MAMDC4: variants seen among roughly 807,000 people sequenced by gnomAD.
MAMDC4 encodes the protein MAM domain containing 4.
In MAMDC4, 168 loss-of-function variants were observed where a neutral mutation model predicts 153.3. The ratio of observed to expected loss-of-function variants is 1.10; its 90% CI spans 0.97 to 1.25. MAMDC4 has a LOEUF of 1.25. MAMDC4 is among the 50% of genes most tolerant of loss of function. MAMDC4 has a pLI of 0.00. For synonymous variants in MAMDC4, 744 were observed against 651.5 expected (o/e 1.14, Z -2.16); for missense variants, 1,701 against 1,542.8 (o/e 1.10, Z -1.72).
Position 136,858,384 on chromosome 9 carries a change from C to T in MAMDC4, c.2675-16C>T, listed in dbSNP as rs368512088. On this transcript the variant is annotated splice_polypyrimidine_tract_variant and intron_variant, in intron 21 of 26. Coordinates refer to ENST00000317446, the MANE Select transcript of MAMDC4 (RefSeq NM_206920.3). ...GGGCCGTGGGGCAGCACCACTCACC[C>T]ACCCATGTCCTGCAGGTTCCTGTGA... 46 of 1,600,844 alleles carry T rather than the reference C, an allele frequency of 2.9e-5. No homozygotes were observed. In the African/African-American group the frequency reaches 6.1e-4, roughly 21 times the overall value.
Position 136,857,963 on chromosome 9 carries a change from C to T in MAMDC4, c.2465-16C>T. 1.3e-6 allele frequency: 2 copies of T among 1,493,042 alleles called. No individual in the cohort carries two copies. The highest frequency in any genetic ancestry group is 1.8e-6 in the Non-Finnish European group (2 of 1,124,954). 92.5% of individuals were successfully genotyped at this position (1,493,042 alleles called of 1,614,324 possible). ...GCTCTCCCCACACTGCTGACCTGGG[C>T]CGCCCCTGCTGGCAGGCACCCTGCG... is the stretch of plus-strand genomic sequence containing the variant. On this transcript the variant is annotated splice_polypyrimidine_tract_variant and intron_variant, in intron 19 of 26. Coordinates refer to ENST00000317446, the MANE Select transcript of MAMDC4 (RefSeq NM_206920.3).
chr9:136,854,785 G>C lies in MAMDC4; in HGVS notation c.958G>C (p.Glu320Gln). The change falls in exon 9 of 27, where the codon GAG becomes CAG. Residue 320 changes from glutamate (E) to glutamine (Q), a missense_variant. Glu to Gln is a conservative substitution (Grantham distance 29). Transcript: ENST00000317446. Reference protein sequence around the residue: ...AQGSFLVSVAEPGTPAILSSP... With the variant: ...AQGSFLVSVAQPGTPAILSSP... ...AGGCTCCTTCCTGGTCTCCGTGGCC[G>C]AGCCTGGCACCCCTGCTATACTCTC... 6.2e-7 allele frequency: 1 copy of C among 1,612,776 alleles called. No homozygotes were observed. The highest frequency in any genetic ancestry group is 8.5e-7 in the Non-Finnish European group (1 of 1,179,856).
chr9:136,859,454 G>A (rs1351679531), intron 25 of MAMDC4, 137 bp downstream of exon 25: 2 of 807,412 alleles, frequency 2.5e-6, no homozygotes, highest in Non-Finnish European at 3.8e-6. Flanking sequence ...GAGCTGCCAG[G>A]CCCAGGCCCT....
At chr9:136,855,694 C>T in intron 12 of MAMDC4, 38 bp from the exon 13 acceptor site, 1 of 1,570,948 alleles carries the variant, frequency 6.4e-7, no homozygotes, top group Non-Finnish European at 8.6e-7. Flanking sequence ...GCTGAGGACT[C>T]TGAGGACTCT....
Position 136,858,817 on chromosome 9 carries a change from C to G in MAMDC4, c.2920C>G (p.Arg974Gly), listed in dbSNP as rs377732840. Residue 974 changes from arginine (R) to glycine (G), a missense_variant, in exon 23 of 27, where the codon CGC becomes GGC. Transcript: ENST00000317446. ...PLPATPASCL[R>G]FWYHMGFPEH... ...GCCGGCCACCCCAGCCTCCTGCCTC[C>G]GCTTCTGGTACCACATGGGTTTTCC... The G allele has an allele frequency of 7.3e-5, 117 of 1,610,492 alleles. No homozygotes were observed. Among genetic ancestry groups the G allele is most frequent in the Non-Finnish European group, 9.1e-5 (107 of 1,178,794 alleles).
Position 136,857,420 on chromosome 9 carries a change from T to C in MAMDC4, c.2160T>C (p.Asp720=), listed in dbSNP as rs910478832. The C allele has an allele frequency of 6.2e-7, 1 of 1,608,354 alleles. No homozygotes were observed. Among genetic ancestry groups the C allele is most frequent in the Non-Finnish European group, 8.5e-7 (1 of 1,179,910 alleles). ...ACCACGGCACCATGGCGCTGGACGA[T>C]GTGGCCGTGCGGCCGGGCCCCTGCT... ...DGYHGTMALD[D]VAVRPGPCWA... is the part of the protein sequence containing the mutation. The change falls in exon 18 of 27, where the codon GAT becomes GAC. Residue 720 remains aspartate, a synonymous_variant. Transcript: ENST00000317446.
Position 136,859,033 on chromosome 9 carries a change from CAGTGCTCAGGGCCAG to C in MAMDC4, c.2986_3000del (p.Ser996_Gln1000del). 1 of 1,550,724 alleles carries C rather than the reference CAGTGCTCAGGGCCAG, an allele frequency of 6.4e-7. No homozygotes were observed. Among genetic ancestry groups the C allele is most frequent in the Non-Finnish European group, 8.7e-7 (1 of 1,146,636 alleles). On this transcript the variant is annotated inframe_deletion, in exon 24 of 27. Transcript: ENST00000317446. ...AGGGGGAGCTGAAGGTACTGCTGCA[CAGTGCTCAGGGCCAG>C]CTGGCTGTGTGGGGCGCAGGCGGGC...
chr9:136,854,034 G>A lies in MAMDC4; in HGVS notation c.628G>A (p.Val210Met), dbSNP rs1319496378. Residue 210 changes from valine to methionine, a missense_variant, in exon 6 of 27, where the codon GTG becomes ATG. Transcript: ENST00000317446. Reference protein sequence around the residue: ...ATRNATHRGAVALDDLEFWDC... With the variant: ...ATRNATHRGAMALDDLEFWDC... ...CCGAAATGCCACCCACAGGGGCGCT[G>A]TGGCTCTAGATGACCTAGAGTTCTG... is the stretch of plus-strand genomic sequence containing the variant. 3.7e-6 allele frequency: 6 copies of A among 1,612,930 alleles called. No individual in the cohort carries two copies. The highest frequency in any genetic ancestry group is 5.1e-6 in the Non-Finnish European group (6 of 1,179,938).
In MAMDC4 at chr9:136,858,765, G is replaced by C. The variant is rs1450288546; in HGVS notation, c.2868G>C (p.Arg956=). ...CTGGCGTGCTGGGCCCCGGGGGCCG[G>C]GCCGCCTGGCTGCGCAGCGAGCCTC... is the stretch of plus-strand genomic sequence containing the variant. The part of the protein sequence containing the change: ...FETGVLGPGG[R]AAWLRSEPLP... The change falls in exon 23 of 27, where the codon CGG becomes CGC. Residue 956 remains arginine (R), a synonymous_variant. Coordinates refer to ENST00000317446, the MANE Select transcript of MAMDC4 (RefSeq NM_206920.3). The C allele has an allele frequency of 6.2e-7, 1 of 1,610,964 alleles. No homozygotes were observed. The highest frequency in any genetic ancestry group is 1.7e-5 in the Admixed American group (1 of 59,628).
At position 136,856,752 on chromosome 9, in the gene MAMDC4, C is replaced by G. The variant is rs751255791; in HGVS notation, c.1763C>G (p.Pro588Arg). 6.2e-6 allele frequency: 10 copies of G among 1,612,492 alleles called. No homozygotes were observed. The highest frequency in any genetic ancestry group is 8.5e-6 in the Non-Finnish European group (10 of 1,179,788). The change falls in exon 15 of 27, where the codon CCA (proline) becomes CGA (arginine). Residue 588 changes from proline to arginine, a missense_variant. Transcript: ENST00000317446. ...GAGCGGGACACATGCAGCTGGTACC[C>G]AGGCCACCTCTCAGACACACACTGG... ...NFERDTCSWY[P>R]GHLSDTHWRW...
In MAMDC4 at chr9:136,856,106, C is replaced by G. The variant is rs1407788201; in HGVS notation, c.1677C>G (p.Ser559Arg). Residue 559 changes from serine to arginine, a missense_variant, in exon 14 of 27, where the codon AGC becomes AGG. Physicochemically the swap from Ser to Arg is moderately radical, Grantham distance 110. Coordinates refer to ENST00000317446, the MANE Select transcript of MAMDC4 (RefSeq NM_206920.3). ...CCCTCCTTGGCCCTTCTGGCCCCAGCTGTGAACTCCACCTGGCTTATTATT... is the reference window on the plus strand; with the variant it reads ...CCCTCCTTGGCCCTTCTGGCCCCAGGTGTGAACTCCACCTGGCTTATTATT... ...LTPLLGPSGP[S>R]CELHLAYYLQ... The G allele has an allele frequency of 6.2e-7, 1 of 1,612,382 alleles. No homozygotes were observed. The highest frequency in any genetic ancestry group is 8.5e-7 in the Non-Finnish European group (1 of 1,179,922).
intron 25 of MAMDC4, 29 bp from the exon 26 acceptor site, chr9:136,859,857 G>C (rs1849060099): frequency 6.2e-7 from 1 of 1,610,210 alleles, no homozygotes; most frequent in African/African-American, 1.3e-5. Context: ...GGCTGCTTTG[G>C]AGGGCTCACA....
In MAMDC4 at chr9:136,858,562, AGCCAGGTGGGGAG is replaced by A; in HGVS notation, c.2821+19_2821+31del. The A allele has an allele frequency of 6.4e-7, 1 of 1,563,976 alleles. No individual in the cohort carries two copies. The highest frequency in any genetic ancestry group is 8.7e-7 in the Non-Finnish European group (1 of 1,155,152). Reference sequence around the variant, plus strand: ...ACAGAGGCAGGTACGTGCCCACTGGAGCCAGGTGGGGAGGCACACACAGCCACCTGGCCTCCTG... The same window carrying A: ...ACAGAGGCAGGTACGTGCCCACTGGAGCACACACAGCCACCTGGCCTCCTG... On this transcript the variant is annotated intron_variant, in intron 22 of 26. Transcript: ENST00000317446.
rs1848963557 is a variant in MAMDC4, at chr9:136,853,845, C to CT, written c.523_524insT (p.Pro175LeufsTer19). 1 of 1,604,920 alleles carries CT rather than the reference C, an allele frequency of 6.2e-7. No homozygotes were observed. ...CCTGACCCTGTGGCAGAGCACAGGG[C>CT]CCTGGGGCCCTGGCTGGCAGGAGTT... On this transcript the variant is annotated frameshift_variant, in exon 5 of 27. Transcript: ENST00000317446. LOFTEE classifies it high-confidence loss of function.
rs562042489 is a variant in MAMDC4 at position 136,856,658 on chromosome 9, C to A, written c.1721-52C>A. On this transcript the variant is annotated intron_variant, in intron 14 of 26. Coordinates refer to ENST00000317446, the MANE Select transcript of MAMDC4 (RefSeq NM_206920.3). ...CCCCGGAGCTTCCACCTTCTCAGGG[C>A]TCTGGAGGGGGAGGGGAGAAGGTGT... is the stretch of plus-strand genomic sequence containing the variant. 1.9e-6 allele frequency: 3 copies of A among 1,570,332 alleles called. No homozygotes were observed. The East Asian group carries it at 6.7e-5, about 35-fold the overall frequency.
In MAMDC4 at chr9:136,854,512, C is replaced by T. The variant is rs765661986; in HGVS notation, c.797-27C>T. 8 of 1,588,200 alleles carry T rather than the reference C, an allele frequency of 5.0e-6. No individual in the cohort carries two copies. In the East Asian group the frequency reaches 1.9e-4, roughly 37 times the overall value. On this transcript the variant is annotated intron_variant, in intron 7 of 26. Coordinates refer to ENST00000317446, the MANE Select transcript of MAMDC4 (RefSeq NM_206920.3). ...GGCTTCAGGAAGCACTGCCTGGTGG[C>T]CCTGACACGCCCACCTCCTGCCCTA... is the stretch of plus-strand genomic sequence containing the variant.
At chr9:136,858,899 G>A in intron 23 of MAMDC4, 46 bp downstream of exon 23, 2 of 1,581,690 alleles carry the variant, frequency 1.3e-6, no homozygotes, top group Non-Finnish European at 1.7e-6. Context: ...GGGGGCAGCA[G>A]GGGTCCAGGA....
rs969152045 is a variant in MAMDC4, at chr9:136,854,947, A to G, written c.1034A>G (p.Tyr345Cys). ...SGTSNCSLVF[Y>C]QYLSGSEAGC... Reference sequence around the variant, plus strand: ...CTCTTGGTTCCACAGCTGGTCTTCTATCAGTACCTGAGTGGGTCTGAGGCT... The same window carrying G: ...CTCTTGGTTCCACAGCTGGTCTTCTGTCAGTACCTGAGTGGGTCTGAGGCT... The change falls in exon 10 of 27, where the codon TAT (tyrosine) becomes TGT (cysteine). Residue 345 changes from tyrosine to cysteine, a missense_variant. Transcript: ENST00000317446. 5 of 1,611,300 alleles carry G rather than the reference A, an allele frequency of 3.1e-6. No individual in the cohort carries two copies. The South Asian group carries it at 3.3e-5, about 11-fold the overall frequency.
At chr9:136,853,009 A>T in intron 1 of MAMDC4, 93 bp from the exon 2 acceptor site, 1 of 1,062,748 alleles carries the variant, frequency 9.4e-7, no homozygotes, top group Non-Finnish European at 1.4e-6. Context: ...CCCCGGACAA[A>T]AGATGTCCAG....
Sources: allele counts gnomAD v4.1 joint callset, GRCh38; gene constraint gnomAD v4.1.1; transcripts MANE v1.5; gene names NCBI Gene and HGNC (gene_info 2026-07-23, HGNC 2026-07-21).